The following PSEN1 variants were observed in gnomAD, a reference collection of about 807,000 sequenced individuals.
PSEN1 encodes presenilin 1.
PSEN1 carries 15 observed loss-of-function variants against 53.5 expected under a neutral mutation model. The observed-to-expected ratio is 0.28, with a 90% CI of 0.19 to 0.43. PSEN1 has a LOEUF of 0.43. Ranked by LOEUF, PSEN1 falls within the 20% of genes least tolerant of loss-of-function variation. PSEN1 has a pLI of 1.00. For missense variants in PSEN1, 387 were observed against 571.2 expected (o/e 0.68, Z 3.29); for synonymous variants, 208 against 209.8 (o/e 0.99, Z 0.08).
intron 1 of PSEN1, chr14:73,136,978 T>A (rs1896764331): frequency 1.3e-5 from 2 of 155,750 alleles, no homozygotes; most frequent in African/African-American, 4.8e-5. Context: ...GGTGTGTCCT[T>A]GTCCAGGGGC....
intron 10 of PSEN1, among the ~76,000 whole-genome samples, chr14:73,212,302 G>A (rs147502410): frequency 1.3e-5 from 2 of 151,064 alleles, no homozygotes; most frequent in African/African-American, 4.9e-5. Context: ...GTAGAGATGG[G>A]GTTTCACCAT....
In PSEN1 at chr14:73,190,486, A is replaced by T. The variant is rs79480249; in HGVS notation, c.549-2158A>T. Among the ~76,000 whole-genome samples the T allele has an allele frequency of 3.7e-3, 327 of 89,164 alleles. 2 individuals carry two copies. The East Asian group carries it at 0.043, about 12-fold the overall frequency. 58.5% of individuals were successfully genotyped at this position (89,164 alleles called of 152,430 possible). A position where few individuals can be genotyped will look rare whatever the true frequency, so the allele number is the denominator to read the frequency against. Reference sequence around the variant, plus strand: ...TGACAGTCAGACCTTGTCTCTATTTAAAAAAAAAAAAAAAAAAAATTAAAA... The same window carrying T: ...TGACAGTCAGACCTTGTCTCTATTTTAAAAAAAAAAAAAAAAAAATTAAAA... On this transcript the variant is annotated intron_variant, in intron 6 of 11. Transcript: ENST00000324501.
rs1350428623 is a variant in PSEN1 at position 73,219,942 on chromosome 14, A to G, written c.*653A>G. ...TTGCCTTTGGCAATTCTTCTTCTCAAGCACTGACACTCATTACCGTCTGTG... is the reference window on the plus strand; with the variant it reads ...TTGCCTTTGGCAATTCTTCTTCTCAGGCACTGACACTCATTACCGTCTGTG... On this transcript the variant is annotated 3_prime_UTR_variant, in exon 12 of 12. Coordinates refer to ENST00000324501, the MANE Select transcript of PSEN1 (RefSeq NM_000021.4). 6.5e-6 allele frequency: 1 copy of G among 153,200 alleles called. No homozygotes were observed. The highest frequency in any genetic ancestry group is 2.4e-5 in the African/African-American group (1 of 41,446). The allele number at this position is 153,200 out of a possible 1,614,324, so 9.5% of individuals were successfully genotyped here. A position where few individuals can be genotyped will look rare whatever the true frequency, so the allele number is the denominator to read the frequency against.
chr14:73,155,481 G>T (rs186858518), intron 3 of PSEN1, among the ~76,000 whole-genome samples: 2 of 152,122 alleles, frequency 1.3e-5, no homozygotes, highest in African/African-American at 4.8e-5. Flanking sequence ...TATATGTCTA[G>T]CATAGAATCA....
intron 5 of PSEN1, among the ~76,000 whole-genome samples, chr14:73,186,039 T>G (rs1250568887): frequency 1.3e-5 from 2 of 152,186 alleles, no homozygotes; most frequent in Non-Finnish European, 2.9e-5. Flanking sequence ...GGAAAATTTT[T>G]GTGGAAGAAC....
intron 5 of PSEN1, among the ~76,000 whole-genome samples, chr14:73,184,757 C>T (rs1595021249): frequency 6.6e-6 from 1 of 150,452 alleles, no homozygotes; most frequent in Middle Eastern, 3.5e-3. Flanking sequence ...CCCCCCCCAC[C>T]TCCCTCCCGG....
chr14:73,181,548 C>T (rs937804635), intron 5 of PSEN1, among the ~76,000 whole-genome samples: 2 of 152,126 alleles, frequency 1.3e-5, no homozygotes, highest in Non-Finnish European at 2.9e-5. Context: ...TGCTTGAGCC[C>T]AGGTTTTCCA....
intron 1 of PSEN1, among the ~76,000 whole-genome samples, chr14:73,139,683 A>G (rs1896862596): frequency 6.6e-6 from 1 of 152,238 alleles, no homozygotes; most frequent in South Asian, 2.1e-4. Context: ...ATATCTAACC[A>G]GTATAAAAAT....
At chr14:73,150,842 G>T (rs1040932018) in intron 3 of PSEN1, among the ~76,000 whole-genome samples, 2 of 151,486 alleles carry the variant, frequency 1.3e-5, no homozygotes, top group African/African-American at 4.9e-5. Context: ...GGCCGAGGAG[G>T]GCGGATCACG....
chr14:73,184,915 C>T (rs1408560913), intron 5 of PSEN1, among the ~76,000 whole-genome samples: 1 of 151,292 alleles, frequency 6.6e-6, no homozygotes, highest in Admixed American at 6.6e-5. Context: ...AGATGCTCCT[C>T]ACCTCCCAGA....
At chr14:73,182,722 C>G (rs989817483) in intron 5 of PSEN1, among the ~76,000 whole-genome samples, 2 of 151,900 alleles carry the variant, frequency 1.3e-5, no homozygotes, top group Non-Finnish European at 2.9e-5. Flanking sequence ...GCCTGTAATC[C>G]CAGCTACTCG....
chr14:73,163,319 TGTAATC>T (rs747628009), intron 3 of PSEN1, among the ~76,000 whole-genome samples: 15 of 152,362 alleles, frequency 9.8e-5, no homozygotes, highest in Admixed American at 4.6e-4. Context: ...GGCTCATGCC[TGTAATC>T]CCAGCACTTC....
At chr14:73,142,733 A>G (rs926225716) in intron 1 of PSEN1, among the ~76,000 whole-genome samples, 1 of 152,232 alleles carries the variant, frequency 6.6e-6, no homozygotes, top group African/African-American at 2.4e-5. Flanking sequence ...TGTTCAGCAC[A>G]TCTGAGCTTC....
intron 8 of PSEN1, among the ~76,000 whole-genome samples, chr14:73,201,851 A>G (rs373319061): frequency 1.2e-4 from 19 of 152,066 alleles, no homozygotes; most frequent in African/African-American, 4.1e-4. Context: ...AGTTCAAGCA[A>G]TGGTCCTGTC....
chr14:73,169,766 C>T (rs758210200), intron 3 of PSEN1, among the ~76,000 whole-genome samples: 10 of 152,044 alleles, frequency 6.6e-5, no homozygotes, highest in Admixed American at 3.3e-4. Context: ...CTGCCGTAGC[C>T]TCATGAGTAG....
At chr14:73,202,355 C>CATGT (rs1899224571) in intron 8 of PSEN1, among the ~76,000 whole-genome samples, 1 of 131,462 alleles carries the variant, frequency 7.6e-6, no homozygotes, top group Admixed American at 8.8e-5. Context: ...CAACATTAAA[C>CATGT]ATGTATGTTA....
chr14:73,194,702 G>A (rs1040485895), intron 7 of PSEN1, among the ~76,000 whole-genome samples: 3 of 151,812 alleles, frequency 2.0e-5, no homozygotes, highest in Admixed American at 6.6e-5. Flanking sequence ...CCAAGTAGCT[G>A]GGACTACAGG....
intron 6 of PSEN1, 109 bp from the exon 7 acceptor site, chr14:73,192,535 T>C (rs566596264): frequency 5.1e-6 from 4 of 784,564 alleles, no homozygotes; most frequent in East Asian, 2.6e-5. Flanking sequence ...GGTAAAATTA[T>C]AAAGGTGGGA....
At chr14:73,183,917 G>A (rs1176960268) in intron 5 of PSEN1, among the ~76,000 whole-genome samples, 9 of 142,920 alleles carry the variant, frequency 6.3e-5, no homozygotes, top group South Asian at 2.3e-4. Flanking sequence ...GCGGCTGGCC[G>A]GGCGGGGGGC....
Sources: gnomAD v4.1 joint callset for allele counts (sites outside exome capture counted in the v4.1 genomes callset) on GRCh38, gnomAD v4.1.1 for gene constraint, MANE v1.5 for transcripts, NCBI Gene and HGNC (gene_info 2026-07-23, HGNC 2026-07-21) for gene names.